Variants in NREP observed in about 807,000 individuals in gnomAD.
The protein encoded by NREP is neuronal regeneration-related protein.
Under a neutral mutation model 8.6 loss-of-function variants are expected in NREP, and 5 were observed. The observed-to-expected ratio is 0.58, with a 90% CI of 0.30 to 1.22. The LOEUF (loss-of-function observed/expected upper bound fraction) is 1.22, where lower values mean the gene tolerates loss of function less well. Among genes scored for constraint, NREP ranks in the 50% most tolerant of loss-of-function variants. NREP has a pLI of 0.07. For missense variants in NREP, 86 were observed against 82.5 expected (o/e 1.04, Z -0.17); for synonymous variants, 27 against 28.0 (o/e 0.96, Z 0.11).
intron 2 of NREP, among the ~76,000 whole-genome samples, chr5:111,861,317 A>C (rs1324296957): frequency 7.2e-5 from 11 of 152,120 alleles, no homozygotes; most frequent in Non-Finnish European, 1.6e-4. Context: ...TTAATGCATG[A>C]AATGCTTGGG....
At chr5:111,817,804 C>T (rs1438603192) in intron 2 of NREP, among the ~76,000 whole-genome samples, 2 of 56,442 alleles carry the variant, frequency 3.5e-5, no homozygotes, top group East Asian at 1.2e-3. Context: ...GACTTCATCT[C>T]AAAAAAAAAA....
At chr5:111,897,942 A>C (rs994324476) in intron 2 of NREP, among the ~76,000 whole-genome samples, 15 of 152,290 alleles carry the variant, frequency 9.8e-5, no homozygotes, top group Non-Finnish European at 2.1e-4. Context: ...AATGATTTTG[A>C]ATTTTTTCTT....
At chr5:111,742,411 A>G (rs1160058334) in intron 2 of NREP, among the ~76,000 whole-genome samples, 1 of 152,126 alleles carries the variant, frequency 6.6e-6, no homozygotes, top group Non-Finnish European at 1.5e-5. Context: ...AGGAAAAGGA[A>G]ATCTCCTTGC....
chr5:111,776,740 T>G (rs560815380), intron 2 of NREP, among the ~76,000 whole-genome samples: 6 of 152,122 alleles, frequency 3.9e-5, no homozygotes, highest in Non-Finnish European at 5.9e-5. Flanking sequence ...TATGTGAAGC[T>G]CCAAAACAGG....
chr5:111,851,005 T>C (rs1381708912), intron 2 of NREP, among the ~76,000 whole-genome samples: 1 of 152,160 alleles, frequency 6.6e-6, no homozygotes, highest in African/African-American at 2.4e-5. Context: ...CTGGAGGTTA[T>C]TGTTAGGCTC....
chr5:111,844,664 A>C (rs1488527896), intron 2 of NREP, among the ~76,000 whole-genome samples: 1 of 144,472 alleles, frequency 6.9e-6, no homozygotes, highest in East Asian at 2.0e-4. Flanking sequence ...TATATTATAT[A>C]TATTATATAT....
At chr5:111,871,636 A>G (rs1013760196) in intron 2 of NREP, among the ~76,000 whole-genome samples, 12 of 152,082 alleles carry the variant, frequency 7.9e-5, no homozygotes, top group East Asian at 3.9e-4. Context: ...TCCTTATTCT[A>G]TAAGTTTTTT....
chr5:111,786,564 C>T (rs967405861), intron 2 of NREP, among the ~76,000 whole-genome samples: 2 of 152,150 alleles, frequency 1.3e-5, no homozygotes, highest in African/African-American at 4.8e-5. Context: ...ATGACCAAGC[C>T]TGTCACATGT....
intron 2 of NREP, among the ~76,000 whole-genome samples, chr5:111,833,785 C>G (rs1197365871): frequency 6.6e-6 from 1 of 152,102 alleles, no homozygotes; most frequent in Non-Finnish European, 1.5e-5. Context: ...TCATTAGAAG[C>G]CAAGGCAATA....
chr5:111,732,065 T>C (rs937149671), intron 3 of NREP: 1 of 151,620 alleles, frequency 6.6e-6, no homozygotes, highest in Non-Finnish European at 1.5e-5. Flanking sequence ...GAAATTATCC[T>C]TTGTGGTTTT....
At chr5:111,755,672 C>A (rs1750654344) in intron 2 of NREP, 98 bp downstream of exon 2, 2 of 1,356,458 alleles carry the variant, frequency 1.5e-6, no homozygotes, top group East Asian at 4.6e-5. Flanking sequence ...GGGTGTAGAA[C>A]AATGAAGGGT....
intron 2 of NREP, chr5:111,939,942 C>T (rs1755785348): frequency 6.6e-6 from 1 of 152,072 alleles, no homozygotes; most frequent in Non-Finnish European, 1.5e-5. Flanking sequence ...GACAAAAATA[C>T]TGTTATCACA....
intron 2 of NREP, among the ~76,000 whole-genome samples, chr5:111,788,911 T>C (rs1007153216): frequency 2.6e-5 from 4 of 152,144 alleles, no homozygotes; most frequent in African/African-American, 9.7e-5. Flanking sequence ...AAGCTGACCA[T>C]CCCCTGATTA....
chr5:111,779,099 T>A (rs561704136), intron 2 of NREP, among the ~76,000 whole-genome samples: 1 of 152,286 alleles, frequency 6.6e-6, no homozygotes, highest in African/African-American at 2.4e-5. Flanking sequence ...TTGAAATATA[T>A]GAAAAGAAAT....
At chr5:111,898,120 A>G (rs1361097947) in intron 2 of NREP, among the ~76,000 whole-genome samples, 1 of 151,918 alleles carries the variant, frequency 6.6e-6, no homozygotes, top group African/African-American at 2.4e-5. Context: ...CCAGATGGAA[A>G]TAGAGCCACT....
chr5:111,765,279 A>C (rs977252897), intron 2 of NREP, among the ~76,000 whole-genome samples: 1 of 152,150 alleles, frequency 6.6e-6, no homozygotes, highest in African/African-American at 2.4e-5. Context: ...CAGGAGGCAG[A>C]GCTTAGGCAG....
At chr5:111,858,313 C>T (rs958389101) in intron 2 of NREP, among the ~76,000 whole-genome samples, 7 of 151,994 alleles carry the variant, frequency 4.6e-5, no homozygotes, top group Non-Finnish European at 5.9e-5. Flanking sequence ...AGGTTTCTTT[C>T]TATTTTATTT....
intron 2 of NREP, among the ~76,000 whole-genome samples, chr5:111,897,325 C>A (rs926934326): frequency 1.3e-5 from 2 of 152,122 alleles, no homozygotes; most frequent in African/African-American, 4.8e-5. Context: ...ACTAATCCAG[C>A]ACTGAAAGAA....
Position 111,882,831 on chromosome 5 carries a change from A to C in NREP, c.135+92443T>G, listed in dbSNP as rs536475165. Among the ~76,000 whole-genome samples, 973 of 152,358 alleles carry C rather than the reference A, an allele frequency of 6.4e-3. 12 individuals carry two copies. The highest frequency in any genetic ancestry group is 0.022 in the African/African-American group (920 of 41,568). Reference sequence around the variant, plus strand: ...TAAAAGAGCTCCTGAAGGAAGCACTAAACATGGAAAGGAACAACCGGTACC... The same window carrying C: ...TAAAAGAGCTCCTGAAGGAAGCACTCAACATGGAAAGGAACAACCGGTACC... On this transcript the variant is annotated intron_variant, in intron 2 of 3. Transcript: ENST00000395634.
Sources: gnomAD v4.1 joint callset for allele counts (sites outside exome capture counted in the v4.1 genomes callset) on GRCh38, gnomAD v4.1.1 for gene constraint, MANE v1.5 for transcripts, NCBI Gene and HGNC (gene_info 2026-07-23, HGNC 2026-07-21) for gene names.